Variants in CORO2B observed in about 807,000 individuals in gnomAD.
CORO2B encodes coronin-2B.
A neutral mutation model predicts 58.8 loss-of-function variants in CORO2B; 26 were observed. The observed-to-expected ratio is 0.44, with a 90% CI of 0.32 to 0.61. The LOEUF (loss-of-function observed/expected upper bound fraction) is 0.61, where lower values mean the gene tolerates loss of function less well. Among genes scored for constraint, CORO2B ranks in the 20% least tolerant of loss-of-function variants. The pLI is 0.04. For synonymous variants in CORO2B, 242 were observed against 253.8 expected, an observed-to-expected ratio of 0.95 and a Z score of 0.44; for missense variants, 460 against 645.1, an observed-to-expected ratio of 0.71 and a Z score of 3.11.
Position 68,583,883 on chromosome 15 carries a change from C to A in CORO2B, c.15+4606C>A, listed in dbSNP as rs112057210. On this transcript the variant is annotated intron_variant, in intron 1 of 11. Transcript: ENST00000261861. ...CAGCTCCCGGGTGGGAGCCCACTTGCGGGTGGGCAAGGGCTCTGCCTGCTC... is the reference window on the plus strand; with the variant it reads ...CAGCTCCCGGGTGGGAGCCCACTTGAGGGTGGGCAAGGGCTCTGCCTGCTC... Among the ~76,000 whole-genome samples the A allele has an allele frequency of 1.9e-3, 292 of 152,318 alleles. 1 individual carries two copies. The highest frequency in any genetic ancestry group is 6.8e-3 in the African/African-American group (281 of 41,576).
chr15:68,547,317 G>A, the CORO2B span, among the ~76,000 whole-genome samples: 17 of 152,240 alleles, frequency 1.1e-4, no homozygotes, highest in African/African-American at 3.9e-4. Context: ...AAAATTACCT[G>A]TACCCATAAT....
the CORO2B span, among the ~76,000 whole-genome samples, chr15:68,536,677 C>T: frequency 6.6e-6 from 1 of 152,176 alleles, no homozygotes; most frequent in Non-Finnish European, 1.5e-5. Flanking sequence ...TGATTTTTAG[C>T]TGTGACATGG....
chr15:68,519,371 C>A, the CORO2B span, among the ~76,000 whole-genome samples: 1 of 152,160 alleles, frequency 6.6e-6, no homozygotes, highest in Non-Finnish European at 1.5e-5. Flanking sequence ...TTTACCAAAA[C>A]TGTCAGATAG....
At chr15:68,695,847 G>C (rs1892498062) in intron 3 of CORO2B, among the ~76,000 whole-genome samples, 1 of 152,110 alleles carries the variant, frequency 6.6e-6, no homozygotes, top group Admixed American at 6.6e-5. Flanking sequence ...GAGAGATCAG[G>C]GAGGAGACAG....
chr15:68,713,872 C>A, intron 5 of CORO2B, 53 bp from the exon 6 acceptor site: 2 of 1,264,218 alleles, frequency 1.6e-6, no homozygotes, highest in Non-Finnish European at 1.2e-6. Flanking sequence ...CATGCCACTG[C>A]AGAACCCACA....
At chr15:68,685,005 A>G (rs757288130) in intron 2 of CORO2B, among the ~76,000 whole-genome samples, 23 of 152,168 alleles carry the variant, frequency 1.5e-4, no homozygotes, top group Non-Finnish European at 2.5e-4. Flanking sequence ...ACAGTGAGGG[A>G]AAGTGATGAT....
At chr15:68,701,524 C>T (rs1269688654) in intron 3 of CORO2B, among the ~76,000 whole-genome samples, 1 of 113,804 alleles carries the variant, frequency 8.8e-6, no homozygotes, top group Non-Finnish European at 1.7e-5. Context: ...TTCGCTCTGT[C>T]GCCCAGGCTG....
At chr15:68,556,375 TCAAGCCAGGCA>T in the CORO2B span, among the ~76,000 whole-genome samples, 2 of 152,082 alleles carry the variant, frequency 1.3e-5, no homozygotes, top group Non-Finnish European at 2.9e-5. Context: ...CTCTCCATTC[TCAAGCCAGGCA>T]CAGGTCCCTA....
the CORO2B span, among the ~76,000 whole-genome samples, chr15:68,570,679 A>G: frequency 6.6e-6 from 1 of 152,064 alleles, no homozygotes; most frequent in Non-Finnish European, 1.5e-5. Flanking sequence ...TCCCAGTTAC[A>G]CTGAGGGGAA....
the CORO2B span, among the ~76,000 whole-genome samples, chr15:68,564,373 G>A: frequency 2.6e-5 from 4 of 151,340 alleles, no homozygotes; most frequent in Non-Finnish European, 5.9e-5. Flanking sequence ...GAGTGATCTT[G>A]GCTAACTACA....
intron 2 of CORO2B, among the ~76,000 whole-genome samples, chr15:68,652,486 G>C (rs1901673589): frequency 6.6e-6 from 1 of 152,200 alleles, no homozygotes; most frequent in Non-Finnish European, 1.5e-5. Flanking sequence ...AGGAAGAACA[G>C]GGCTAGAAAC....
At chr15:68,694,668 G>A (rs562614312) in intron 2 of CORO2B, among the ~76,000 whole-genome samples, 5 of 152,314 alleles carry the variant, frequency 3.3e-5, no homozygotes, top group African/African-American at 9.6e-5. Flanking sequence ...ATCCAAAGCT[G>A]ACTGTGCCCT....
chr15:68,606,731 A>G (rs1304088121), intron 1 of CORO2B, among the ~76,000 whole-genome samples: 2 of 151,764 alleles, frequency 1.3e-5, no homozygotes. Flanking sequence ...CAGGCACAGA[A>G]AAATCCAGAG....
At chr15:68,552,469 C>T in the CORO2B span, among the ~76,000 whole-genome samples, 19 of 8,408 alleles carry the variant, frequency 2.3e-3, no homozygotes, top group South Asian at 0.021. Flanking sequence ...TAGGAGGACG[C>T]GGGGGGGTGG....
At chr15:68,595,507 G>A (rs1387268397) in intron 1 of CORO2B, among the ~76,000 whole-genome samples, 1 of 152,218 alleles carries the variant, frequency 6.6e-6, no homozygotes, top group African/African-American at 2.4e-5. Context: ...TTAGGGGACT[G>A]GGATCCCCTT....
At chr15:68,717,713 G>T (rs753136125) in intron 8 of CORO2B, among the ~76,000 whole-genome samples, 1 of 152,220 alleles carries the variant, frequency 6.6e-6, no homozygotes, top group Non-Finnish European at 1.5e-5. Flanking sequence ...GACCGAATCT[G>T]CTGGCTCTTA....
chr15:68,697,416 C>T (rs1253118544), intron 3 of CORO2B, among the ~76,000 whole-genome samples: 1 of 152,150 alleles, frequency 6.6e-6, no homozygotes, highest in Non-Finnish European at 1.5e-5. Context: ...TCCATCTAAT[C>T]AGTTATCCAA....
the CORO2B span, among the ~76,000 whole-genome samples, chr15:68,520,210 T>G: frequency 1.3e-5 from 2 of 152,218 alleles, no homozygotes; most frequent in Non-Finnish European, 2.9e-5. Context: ...TGTTGATAAA[T>G]GTTCCATGTA....
At chr15:68,665,399 T>C (rs1033948986) in intron 2 of CORO2B, among the ~76,000 whole-genome samples, 2 of 152,124 alleles carry the variant, frequency 1.3e-5, no homozygotes, top group Non-Finnish European at 2.9e-5. Context: ...TAATATGTTT[T>C]AATATCAACA....
Sources: allele counts gnomAD v4.1 joint callset (sites outside exome capture counted in the v4.1 genomes callset), GRCh38; gene constraint gnomAD v4.1.1; transcripts MANE v1.5; gene names NCBI Gene and HGNC (gene_info 2026-07-23, HGNC 2026-07-21).